Variants in NEDD4L observed in about 807,000 individuals in gnomAD.
NEDD4L encodes NEDD4 like E3 ubiquitin protein ligase.
Under a neutral mutation model 148.9 loss-of-function variants are expected in NEDD4L, and 54 were observed. That is an observed-to-expected ratio of 0.36 (90% confidence interval 0.29 to 0.45). The LOEUF (loss-of-function observed/expected upper bound fraction) is 0.45. Among genes scored for constraint, NEDD4L ranks in the 20% least tolerant of loss-of-function variants. NEDD4L has a pLI of 1.00. For synonymous variants in NEDD4L, 433 were observed against 440.7 expected (o/e 0.98, Z 0.22); for missense variants, 856 against 1,233.8 (o/e 0.69, Z 4.59).
At chr18:58,383,343 CT>C in intron 25 of NEDD4L, 24 bp downstream of exon 25, 1 of 1,288,022 alleles carries the variant, frequency 7.8e-7, no homozygotes, top group Non-Finnish European at 1.1e-6. Flanking sequence ...TATTTACTGC[CT>C]TTTCTTTGAA....
intron 5 of NEDD4L, among the ~76,000 whole-genome samples, chr18:58,285,083 A>G (rs1033756573): frequency 6.6e-5 from 10 of 152,244 alleles, no homozygotes; most frequent in Non-Finnish European, 1.5e-4. Context: ...AGGATTTCCT[A>G]ACTGATCACT....
chr18:58,081,437 G>C (rs184722638), intron 1 of NEDD4L, among the ~76,000 whole-genome samples: 49 of 152,008 alleles, frequency 3.2e-4, no homozygotes, highest in Admixed American at 8.5e-4. Flanking sequence ...GGAAGGTCTC[G>C]ATCTCCTGAC....
chr18:58,340,276 T>C (rs1431171693), intron 13 of NEDD4L, among the ~76,000 whole-genome samples: 1 of 152,222 alleles, frequency 6.6e-6, no homozygotes, highest in Non-Finnish European at 1.5e-5. Context: ...AGGGATCTTC[T>C]TGTGATCAAA....
rs750230534 is a variant in NEDD4L at position 58,325,186 on chromosome 18, A to G, written c.680+24A>G. On this transcript the variant is annotated intron_variant, in intron 9 of 30. Transcript: ENST00000400345. Reference sequence around the variant, plus strand: ...ATGTGAGTACCGTGTGATGGTCAGGAACACGTGCACGTGCACTGCACAGCT... The same window carrying G: ...ATGTGAGTACCGTGTGATGGTCAGGGACACGTGCACGTGCACTGCACAGCT... 3.1e-6 allele frequency: 5 copies of G among 1,612,802 alleles called. No homozygotes were observed. In the African/African-American group the frequency reaches 5.3e-5, roughly 17 times the overall value.
chr18:58,278,075 T>G (rs899120988), intron 5 of NEDD4L, among the ~76,000 whole-genome samples: 1 of 152,260 alleles, frequency 6.6e-6, no homozygotes, highest in South Asian at 2.1e-4. Context: ...TTGAGAAATA[T>G]CCAAGATTCC....
chr18:58,161,728 G>T (rs536899070), intron 1 of NEDD4L, among the ~76,000 whole-genome samples: 4 of 151,990 alleles, frequency 2.6e-5, no homozygotes, highest in Non-Finnish European at 2.9e-5. Flanking sequence ...GGAGGTGGGG[G>T]GTGCTTGGCT....
chr18:58,297,178 C>T (rs1235288436), intron 5 of NEDD4L, among the ~76,000 whole-genome samples: 1 of 152,186 alleles, frequency 6.6e-6, no homozygotes, highest in Non-Finnish European at 1.5e-5. Context: ...TTCATTTAAT[C>T]ACATCTGCAA....
chr18:58,149,969 A>C (rs2034516882), intron 1 of NEDD4L, among the ~76,000 whole-genome samples: 1 of 152,216 alleles, frequency 6.6e-6, no homozygotes, highest in Admixed American at 6.5e-5. Context: ...ATTTCTGTGT[A>C]ATTGCCTGAG....
chr18:58,314,055 G>C (rs538172369), intron 5 of NEDD4L, among the ~76,000 whole-genome samples: 5 of 152,214 alleles, frequency 3.3e-5, no homozygotes, highest in Non-Finnish European at 7.4e-5. Flanking sequence ...GACAATTTAT[G>C]GTCAATATTC....
At chr18:58,066,624 G>A (rs1242507271) in intron 1 of NEDD4L, among the ~76,000 whole-genome samples, 3 of 151,900 alleles carry the variant, frequency 2.0e-5, no homozygotes, top group African/African-American at 7.3e-5. Context: ...GGCCAAGTCC[G>A]TTTTTACACT....
intron 1 of NEDD4L, among the ~76,000 whole-genome samples, chr18:58,151,788 C>CGGTGA (rs2034802800): frequency 6.6e-6 from 1 of 151,796 alleles, no homozygotes. Context: ...AGGATGGGGT[C>CGGTGA]GGTGAGGTGG....
intron 2 of NEDD4L, among the ~76,000 whole-genome samples, chr18:58,216,223 T>G (rs1254764849): frequency 2.0e-5 from 3 of 151,230 alleles, no homozygotes. Context: ...CACGTGAAAG[T>G]GAGTTTGAGA....
At chr18:58,368,179 A>G (rs2046359456) in intron 22 of NEDD4L, among the ~76,000 whole-genome samples, 1 of 152,212 alleles carries the variant, frequency 6.6e-6, no homozygotes, top group Non-Finnish European at 1.5e-5. Flanking sequence ...ACAGATGGAA[A>G]AACTAATTGA....
At chr18:58,166,001 G>T in intron 2 of NEDD4L, 140 bp downstream of exon 2, 3 of 692,842 alleles carry the variant, frequency 4.3e-6, no homozygotes, top group South Asian at 1.9e-5. Context: ...TTCTGATTTA[G>T]GAAGTGATGC....
intron 2 of NEDD4L, among the ~76,000 whole-genome samples, chr18:58,175,861 C>A (rs1213094872): frequency 6.6e-6 from 1 of 152,192 alleles, no homozygotes; most frequent in Non-Finnish European, 1.5e-5. Flanking sequence ...ATGCATGCAA[C>A]GTCCTTTAAA....
In NEDD4L at chr18:58,325,105, G is replaced by A. The variant is rs2059194330; in HGVS notation, c.623G>A (p.Arg208Gln). 6.2e-7 allele frequency: 1 copy of A among 1,613,992 alleles called. No homozygotes were observed. The highest frequency in any genetic ancestry group is 8.5e-7 in the Non-Finnish European group (1 of 1,179,892). Reference sequence around the variant, plus strand: ...GAAGAAAAAGTGGACAATTTAGGCCGAACTTACTATGTCAACCACAACAAC... The same window carrying A: ...GAAGAAAAAGTGGACAATTTAGGCCAAACTTACTATGTCAACCACAACAAC... ...GWEEKVDNLGRTYYVNHNNRT... is the reference protein window; with the variant it reads ...GWEEKVDNLGQTYYVNHNNRT... Residue 208 changes from arginine (R) to glutamine (Q), a missense_variant, in exon 9 of 31, where the codon CGA becomes CAA. Physicochemically the swap from Arg to Gln is conservative, Grantham distance 43. Around this residue, in one of 4 missense-constraint regions of NEDD4L, gnomAD observed 10 missense variants for 35.1 expected, o/e 0.29. Coordinates refer to ENST00000400345, the MANE Select transcript of NEDD4L (RefSeq NM_001144967.3).
At chr18:58,118,205 T>C (rs1458280839) in intron 1 of NEDD4L, among the ~76,000 whole-genome samples, 1 of 152,260 alleles carries the variant, frequency 6.6e-6, no homozygotes, top group Non-Finnish European at 1.5e-5. Context: ...ACAGATCTCT[T>C]TGTGAACACA....
chr18:58,179,260 A>G (rs1362110918), intron 2 of NEDD4L, among the ~76,000 whole-genome samples: 1 of 152,160 alleles, frequency 6.6e-6, no homozygotes, highest in Non-Finnish European at 1.5e-5. Flanking sequence ...GACTTCACCC[A>G]CTAGTGGGGC....
chr18:58,286,180 A>T (rs2053878880), intron 5 of NEDD4L, among the ~76,000 whole-genome samples: 1 of 152,222 alleles, frequency 6.6e-6, no homozygotes, highest in Non-Finnish European at 1.5e-5. Flanking sequence ...ACTATGAATT[A>T]TTTGTGTTAA....
Sources: allele counts gnomAD v4.1 joint callset (sites outside exome capture counted in the v4.1 genomes callset), GRCh38; gene constraint gnomAD v4.1.1; regional missense constraint gnomAD v4.1.1; transcripts MANE v1.5; gene names NCBI Gene and HGNC (gene_info 2026-07-23, HGNC 2026-07-21).